The following PBX1 variants were observed in gnomAD, a reference collection of about 807,000 sequenced individuals.
PBX1 encodes the protein PBX homeobox 1, also known as pre-B-cell leukemia transcription factor 1.
In PBX1, 6 loss-of-function variants were observed where a neutral mutation model predicts 53.4. The ratio of observed to expected loss-of-function variants is 0.11; its 90% CI spans 0.06 to 0.22. The LOEUF is 0.22. Among genes scored for constraint, PBX1 ranks in the 10% least tolerant of loss-of-function variants. The pLI is 1.00. For synonymous variants in PBX1, 204 were observed against 212.3 expected, an observed-to-expected ratio of 0.96 and a Z score of 0.34; for missense variants, 251 against 551.4, an observed-to-expected ratio of 0.46 and a Z score of 5.46.
chr1:164,813,538 T>G (rs905809680), intron 6 of PBX1: 2 of 152,222 alleles, frequency 1.3e-5, no homozygotes, highest in South Asian at 4.1e-4. Context: ...ATTAAGAATT[T>G]CAGACCCAAC....
intron 2 of PBX1, among the ~76,000 whole-genome samples, chr1:164,634,753 T>C (rs893924383): frequency 1.3e-5 from 2 of 152,202 alleles, no homozygotes; most frequent in African/African-American, 4.8e-5. Context: ...GGGGTCTTTG[T>C]TGTAGGGAAA....
chr1:164,694,198 A>G (rs1021670925), intron 2 of PBX1, among the ~76,000 whole-genome samples: 3 of 152,170 alleles, frequency 2.0e-5, no homozygotes, highest in African/African-American at 7.2e-5. Context: ...TGATCCTGAC[A>G]ACCTTTCTAT....
intron 2 of PBX1, among the ~76,000 whole-genome samples, chr1:164,659,632 T>C (rs1660367704): frequency 6.6e-6 from 1 of 152,200 alleles, no homozygotes; most frequent in Non-Finnish European, 1.5e-5. Flanking sequence ...CTTGGGTGGC[T>C]GCAGAACCTG....
chr1:164,620,054 G>A (rs1486826080), intron 2 of PBX1, among the ~76,000 whole-genome samples: 7 of 152,034 alleles, frequency 4.6e-5, no homozygotes, highest in Admixed American at 2.0e-4. Flanking sequence ...TTAGCCAGGC[G>A]TGGTAGCACA....
intron 2 of PBX1, among the ~76,000 whole-genome samples, chr1:164,767,235 G>A (rs1226227178): frequency 6.6e-6 from 1 of 152,118 alleles, no homozygotes; most frequent in African/African-American, 2.4e-5. Context: ...GTGGGTCCCA[G>A]TACAAAAGGA....
At chr1:164,710,705 C>T (rs1663709034) in intron 2 of PBX1, among the ~76,000 whole-genome samples, 2 of 152,322 alleles carry the variant, frequency 1.3e-5, no homozygotes, top group South Asian at 4.1e-4. Context: ...ACCACCACGC[C>T]TGGCGGTGCT....
At chr1:164,787,837 T>C (rs1366804538) in intron 2 of PBX1, 1 of 152,226 alleles carries the variant, frequency 6.6e-6, no homozygotes, top group Admixed American at 6.5e-5. Context: ...GTCTCTTCCA[T>C]AATTGGGTGG....
intron 2 of PBX1, among the ~76,000 whole-genome samples, chr1:164,708,604 T>G (rs952571762): frequency 5.3e-5 from 8 of 152,198 alleles, no homozygotes; most frequent in Non-Finnish European, 1.2e-4. Flanking sequence ...TTTACGTTCA[T>G]GTATACCCAT....
At chr1:164,625,789 A>G (rs1368774221) in intron 2 of PBX1, 1 of 256,030 alleles carries the variant, frequency 3.9e-6, no homozygotes, top group Non-Finnish European at 6.4e-6. Flanking sequence ...TGAAATTATA[A>G]TGAGATCCCT....
chr1:164,851,873 C>G (rs569190672), downstream of PBX1: 1 of 162,940 alleles, frequency 6.1e-6, no homozygotes, highest in South Asian at 2.0e-4. Context: ...ATGCTGGCAA[C>G]TTCTCTTTCC....
chr1:164,740,773 C>G (rs2102165445), intron 2 of PBX1, among the ~76,000 whole-genome samples: 1 of 152,238 alleles, frequency 6.6e-6, no homozygotes, highest in South Asian at 2.1e-4. Context: ...ATATATAACA[C>G]TGAACTCTTT....
intron 8 of PBX1, among the ~76,000 whole-genome samples, chr1:164,844,024 A>C (rs1426076737): frequency 6.6e-6 from 1 of 151,906 alleles, no homozygotes; most frequent in African/African-American, 2.4e-5. Flanking sequence ...TATGACATGT[A>C]CGCTCACTGC....
At chr1:164,853,649 C>T (rs887607815), downstream of PBX1, among the ~76,000 whole-genome samples, 3 of 152,136 alleles carry the variant, frequency 2.0e-5, no homozygotes, top group African/African-American at 7.2e-5. Context: ...TGTTTTCTAG[C>T]GTGCCTTAGC....
chr1:164,660,828 C>A (rs1660446710), intron 2 of PBX1, among the ~76,000 whole-genome samples: 1 of 152,192 alleles, frequency 6.6e-6, no homozygotes, highest in Non-Finnish European at 1.5e-5. Context: ...TCTGTGCCTA[C>A]AAATAACATA....
At chr1:164,665,217 TA>T (rs1053271353) in intron 2 of PBX1, among the ~76,000 whole-genome samples, 3 of 152,192 alleles carry the variant, frequency 2.0e-5, no homozygotes, top group Admixed American at 6.5e-5. Flanking sequence ...TAACATAAAA[TA>T]AAAAAGTATT....
chr1:164,562,898 G>A (rs2101687449), intron 1 of PBX1: 1 of 160,486 alleles, frequency 6.2e-6, no homozygotes, highest in Admixed American at 6.4e-5. Flanking sequence ...CTACACCTTT[G>A]GCTTTGCTGT....
intron 8 of PBX1, among the ~76,000 whole-genome samples, chr1:164,843,378 C>G (rs1382709026): frequency 6.6e-6 from 1 of 152,124 alleles, no homozygotes; most frequent in East Asian, 1.9e-4. Context: ...TCATAGCTGG[C>G]ATATCCTGGA....
intron 2 of PBX1, among the ~76,000 whole-genome samples, chr1:164,661,180 C>G (rs1660464922): frequency 6.6e-6 from 1 of 152,134 alleles, no homozygotes; most frequent in African/African-American, 2.4e-5. Context: ...GAGATTGAAC[C>G]CTTGCATTTC....
intron 2 of PBX1, among the ~76,000 whole-genome samples, chr1:164,784,929 C>A (rs1668103329): frequency 6.6e-6 from 1 of 152,180 alleles, no homozygotes; most frequent in Non-Finnish European, 1.5e-5. Flanking sequence ...ACAATAATAT[C>A]TTACCTTCAA....
Sources: gnomAD v4.1 joint callset for allele counts (sites outside exome capture counted in the v4.1 genomes callset) on GRCh38, gnomAD v4.1.1 for gene constraint, MANE v1.5 for transcripts, NCBI Gene and HGNC (gene_info 2026-07-23, HGNC 2026-07-21) for gene names.